Variants in C7 observed in about 807,000 individuals in gnomAD.
The protein encoded by C7 is complement C7, also known as complement component C7.
In C7, 83 loss-of-function variants were observed where a neutral mutation model predicts 104.8. The ratio of observed to expected loss-of-function variants is 0.79; its 90% CI spans 0.66 to 0.95. The LOEUF (loss-of-function observed/expected upper bound fraction) is 0.95, where lower values mean the gene tolerates loss of function less well. Among genes scored for constraint, C7 ranks in the 40% least tolerant of loss-of-function variants. The pLI is 0.00. For missense variants in C7, 1,070 were observed against 1,011.2 expected (o/e 1.06, Z -0.79); for synonymous variants, 415 against 360.6 (o/e 1.15, Z -1.71).
intron 6 of C7, among the ~76,000 whole-genome samples, chr5:40,941,275 G>A (rs573680582): frequency 5.9e-5 from 9 of 151,956 alleles, no homozygotes; most frequent in African/African-American, 2.2e-4. Context: ...TGTCGGTCAG[G>A]CTGGTCTCGA....
chr5:40,954,877 CAAAAAAAAAAAAAAA>C (rs35360366), intron 9 of C7: 3 of 54,672 alleles, frequency 5.5e-5, no homozygotes, highest in East Asian at 7.8e-4. Flanking sequence ...AATACTGTCT[CAAAAAAAAAAAAAAA>C]AAAAAAAAAA....
chr5:40,947,592 C>G lies in C7; in HGVS notation c.739-10C>G. On this transcript the variant is annotated splice_polypyrimidine_tract_variant and intron_variant, in intron 7 of 17. Coordinates refer to ENST00000313164, the MANE Select transcript of C7 (RefSeq NM_000587.4). ...CCTAAAACTCCTTGTACTCTTTCTTCTTTCCACAGAGTTACCAACTGCTGG... is the reference window on the plus strand; with the variant it reads ...CCTAAAACTCCTTGTACTCTTTCTTGTTTCCACAGAGTTACCAACTGCTGG... 6.2e-7 allele frequency: 1 copy of G among 1,612,752 alleles called. No individual in the cohort carries two copies. Among genetic ancestry groups the G allele is most frequent in the Non-Finnish European group, 8.5e-7 (1 of 1,179,278 alleles).
intron 14 of C7, among the ~76,000 whole-genome samples, chr5:40,965,375 G>C (rs1029432842): frequency 6.6e-6 from 1 of 152,102 alleles, no homozygotes; most frequent in Non-Finnish European, 1.5e-5. Context: ...GTTGCTCTGT[G>C]CTATATGAGG....
At chr5:40,965,641 TA>T (rs369388042) in intron 14 of C7, among the ~76,000 whole-genome samples, 15,913 of 84,742 alleles carry the variant, frequency 0.19, 1,179 homozygotes, top group East Asian at 0.47. Context: ...TATATATATA[TA>T]TATATATTTT....
At chr5:40,941,348 G>A (rs1400836697) in intron 6 of C7, among the ~76,000 whole-genome samples, 1 of 152,162 alleles carries the variant, frequency 6.6e-6, no homozygotes, top group Non-Finnish European at 1.5e-5. Flanking sequence ...ACAAGCGTGA[G>A]CCACTGACCC....
intron 17 of C7, chr5:40,980,387 C>T (rs1056604373): frequency 6.6e-6 from 1 of 152,436 alleles, no homozygotes; most frequent in African/African-American, 2.4e-5. Context: ...TGCTGTTTCT[C>T]TGTGAGTTTA....
At chr5:40,924,268 T>C (rs1228974869) in intron 1 of C7, among the ~76,000 whole-genome samples, 1 of 152,142 alleles carries the variant, frequency 6.6e-6, no homozygotes, top group African/African-American at 2.4e-5. Context: ...AGTCATTAAA[T>C]CCTAAAGCTT....
At chr5:40,917,176 A>C (rs541236462) in intron 1 of C7, among the ~76,000 whole-genome samples, 11 of 152,036 alleles carry the variant, frequency 7.2e-5, no homozygotes, top group Admixed American at 4.6e-4. Context: ...ATTGGTATTA[A>C]GTAAGTCACC....
intron 1 of C7, among the ~76,000 whole-genome samples, chr5:40,920,909 C>T (rs545983314): frequency 1.1e-3 from 173 of 152,154 alleles, no homozygotes; most frequent in African/African-American, 4.0e-3. Flanking sequence ...CTTCACTGGG[C>T]GTGGTGGTGC....
At chr5:40,949,879 G>T in intron 8 of C7, 25 bp from the exon 9 acceptor site, 4 of 1,378,840 alleles carry the variant, frequency 2.9e-6, no homozygotes, top group Non-Finnish European at 4.1e-6. Flanking sequence ...AATTAAACAT[G>T]TCTCTTTTAC....
intron 15 of C7, among the ~76,000 whole-genome samples, chr5:40,975,859 T>A (rs1271214439): frequency 6.6e-6 from 1 of 152,222 alleles, no homozygotes; most frequent in Non-Finnish European, 1.5e-5. Flanking sequence ...CCAGATAAAC[T>A]ACCTTTATAG....
At chr5:40,915,453 T>A (rs1010060960) in intron 1 of C7, among the ~76,000 whole-genome samples, 2 of 152,146 alleles carry the variant, frequency 1.3e-5, no homozygotes, top group Non-Finnish European at 2.9e-5. Context: ...TAATAGATTG[T>A]TTTCTGAAAA....
chr5:40,978,568 A>C (rs3805228), intron 16 of C7, among the ~76,000 whole-genome samples: 3 of 152,348 alleles, frequency 2.0e-5, no homozygotes, highest in East Asian at 1.9e-4. Flanking sequence ...TTCAATAAAC[A>C]GATGAAAAGA....
chr5:40,910,955 C>T (rs1197937778), intron 1 of C7: 3 of 152,042 alleles, frequency 2.0e-5, no homozygotes, highest in African/African-American at 7.2e-5. Context: ...AACATGTTTA[C>T]AATCATTATT....
At chr5:40,940,617 T>C (rs1274764124) in intron 6 of C7, among the ~76,000 whole-genome samples, 1 of 152,254 alleles carries the variant, frequency 6.6e-6, no homozygotes, top group Non-Finnish European at 1.5e-5. Context: ...CTTCCTCTGT[T>C]GGTATGAGGA....
Position 40,960,371 on chromosome 5 carries a change from G to A in C7, c.1661+751G>A, listed in dbSNP as rs375296640. On this transcript the variant is annotated intron_variant, in intron 12 of 17. Transcript: ENST00000313164. The stretch of plus-strand genomic sequence containing the variant: ...AGGTGCTTGGGTATCTGGTAGAAGC[G>A]TAGGGTGAATAAAGAAAAAAGAATA... Among the ~76,000 whole-genome samples the A allele has an allele frequency of 6.6e-5, 10 of 152,142 alleles. No homozygotes were observed. The East Asian group carries it at 7.7e-4, about 12-fold the overall frequency.
intron 12 of C7, 33 bp from the exon 13 acceptor site, chr5:40,962,052 C>G: frequency 1.6e-6 from 2 of 1,220,678 alleles, no homozygotes; most frequent in Non-Finnish European, 1.1e-6. Flanking sequence ...CTGTGCAAAT[C>G]AATCACATTA....
At chr5:40,954,502 C>T (rs1385677460) in intron 9 of C7, among the ~76,000 whole-genome samples, 2 of 152,108 alleles carry the variant, frequency 1.3e-5, no homozygotes, top group Non-Finnish European at 2.9e-5. Flanking sequence ...TAATGTGATA[C>T]TCACACTAAA....
At chr5:40,966,669 G>T (rs1488791453) in intron 14 of C7, among the ~76,000 whole-genome samples, 1 of 152,020 alleles carries the variant, frequency 6.6e-6, no homozygotes, top group Non-Finnish European at 1.5e-5. Context: ...GAGCTACCAT[G>T]CCTGGCACAA....
Sources: gnomAD v4.1 joint callset for allele counts (sites outside exome capture counted in the v4.1 genomes callset) on GRCh38, gnomAD v4.1.1 for gene constraint, MANE v1.5 for transcripts, NCBI Gene and HGNC (gene_info 2026-07-23, HGNC 2026-07-21) for gene names.